The following LOC128462377 variants were observed in gnomAD, a reference collection of about 807,000 sequenced individuals.
At chr16:89,417,212 G>T in the LOC128462377 span, among the ~76,000 whole-genome samples, 2 of 152,212 alleles carry the variant, frequency 1.3e-5, no homozygotes, top group Non-Finnish European at 1.5e-5. Context: ...ATAAGGAACA[G>T]ATACACCAAA....
the LOC128462377 span, chr16:89,328,802 G>A: frequency 1.4e-5 from 2 of 139,524 alleles, no homozygotes; most frequent in African/African-American, 2.7e-5. Flanking sequence ...GCGCACGGGC[G>A]AATCAGCGGA....
the LOC128462377 span, among the ~76,000 whole-genome samples, chr16:89,344,792 G>A: frequency 3.3e-5 from 5 of 152,114 alleles, no homozygotes; most frequent in South Asian, 4.1e-4. Context: ...GGCCAGAGGC[G>A]GCTGGAGCAG....
At chr16:89,350,059 A>G in the LOC128462377 span, among the ~76,000 whole-genome samples, 1 of 152,208 alleles carries the variant, frequency 6.6e-6, no homozygotes, top group East Asian at 1.9e-4. Flanking sequence ...AAATACATGG[A>G]TAGTCCCTTC....
At chr16:89,348,977 A>C in the LOC128462377 span, among the ~76,000 whole-genome samples, 1 of 151,182 alleles carries the variant, frequency 6.6e-6, no homozygotes, top group African/African-American at 2.4e-5. Flanking sequence ...AAAATACAAA[A>C]ACTAGCCAGG....
At chr16:89,349,505 A>C in the LOC128462377 span, among the ~76,000 whole-genome samples, 2 of 152,164 alleles carry the variant, frequency 1.3e-5, no homozygotes, top group Non-Finnish European at 2.9e-5. Context: ...AGACCCACAT[A>C]AATATATAGT....
the LOC128462377 span, among the ~76,000 whole-genome samples, chr16:89,371,586 C>A: frequency 6.6e-6 from 1 of 152,166 alleles, no homozygotes; most frequent in African/African-American, 2.4e-5. Context: ...AGGCAGGCGC[C>A]GCTCCCCACA....
At chr16:89,384,898 T>TTTTTTTTTTTTTTTTTTTTTC in the LOC128462377 span, among the ~76,000 whole-genome samples, 1 of 131,506 alleles carries the variant, frequency 7.6e-6, no homozygotes, top group Non-Finnish European at 1.6e-5. Context: ...TTTTTTTTTT[T>TTTTTTTTTTTTTTTTTTTTTC]TTTTTTTTTG....
the LOC128462377 span, among the ~76,000 whole-genome samples, chr16:89,405,244 G>A: frequency 1.3e-5 from 2 of 152,114 alleles, no homozygotes; most frequent in African/African-American, 4.8e-5. Flanking sequence ...CACATATGCG[G>A]TCTGTTGTGG....
chr16:89,367,471 T>A, the LOC128462377 span, among the ~76,000 whole-genome samples: 14 of 152,074 alleles, frequency 9.2e-5, no homozygotes, highest in Non-Finnish European at 2.9e-5. Context: ...GGAGCGACGC[T>A]CTCAAACAAC....
At chr16:89,341,051 C>T in the LOC128462377 span, among the ~76,000 whole-genome samples, 1 of 152,206 alleles carries the variant, frequency 6.6e-6, no homozygotes. Context: ...CTTCAGAATC[C>T]TTTAACATAT....
At chr16:89,412,449 C>G in the LOC128462377 span, 2 of 152,578 alleles carry the variant, frequency 1.3e-5, no homozygotes, top group Non-Finnish European at 2.9e-5. Flanking sequence ...CTTCCTCCTA[C>G]CTTCCTCTTC....
the LOC128462377 span, among the ~76,000 whole-genome samples, chr16:89,399,119 C>G: frequency 6.6e-6 from 1 of 152,216 alleles, no homozygotes; most frequent in Non-Finnish European, 1.5e-5. Context: ...GCCCAGGTGG[C>G]TCCGAACACG....
the LOC128462377 span, among the ~76,000 whole-genome samples, chr16:89,327,893 G>T: frequency 1.3e-5 from 2 of 152,148 alleles, no homozygotes; most frequent in African/African-American, 2.4e-5. Flanking sequence ...AAACGACCTC[G>T]ACAAAATTAA....
chr16:89,391,084 C>T, the LOC128462377 span, among the ~76,000 whole-genome samples: 2 of 152,004 alleles, frequency 1.3e-5, no homozygotes, highest in African/African-American at 4.8e-5. Flanking sequence ...AAAAATTAGC[C>T]GGGCGCGGTG....
the LOC128462377 span, among the ~76,000 whole-genome samples, chr16:89,389,035 G>C: frequency 6.6e-6 from 1 of 152,322 alleles, no homozygotes; most frequent in South Asian, 2.1e-4. Context: ...GGCATGGAAG[G>C]TGGAACAATT....
chr16:89,352,642 G>A, the LOC128462377 span, among the ~76,000 whole-genome samples: 5 of 152,118 alleles, frequency 3.3e-5, no homozygotes. Context: ...AGCTCTGTCC[G>A]CTCCACTCAT....
At chr16:89,328,393 G>C in the LOC128462377 span, among the ~76,000 whole-genome samples, 1 of 152,208 alleles carries the variant, frequency 6.6e-6, no homozygotes, top group Non-Finnish European at 1.5e-5. Flanking sequence ...ACCTGTTTGC[G>C]AATGTTCACA....
chr16:89,403,312 C>G, the LOC128462377 span, among the ~76,000 whole-genome samples: 19 of 152,298 alleles, frequency 1.2e-4, no homozygotes, highest in Middle Eastern at 6.8e-3. Flanking sequence ...CCTGCTCCCC[C>G]CTCCTGACCG....
chr16:89,323,505 A>G, the LOC128462377 span, among the ~76,000 whole-genome samples: 5 of 92,824 alleles, frequency 5.4e-5, no homozygotes, highest in African/African-American at 2.4e-4. Context: ...GGCAGAGCCC[A>G]GGGCAGGGGG....
Sources: gnomAD v4.1 joint callset for allele counts (sites outside exome capture counted in the v4.1 genomes callset) on GRCh38, gnomAD v4.1.1 for gene constraint, MANE v1.5 for transcripts.